TEKTL1: variants seen among roughly 807,000 people sequenced by gnomAD.
The protein encoded by TEKTL1 is tektin-like protein 1.
At chr19:15,021,338 C>T in the TEKTL1 span, 2 of 1,612,526 alleles carry the variant, frequency 1.2e-6, no homozygotes, top group African/African-American at 1.3e-5. Flanking sequence ...CCACGCGCAT[C>T]CTGGGCATTT....
the TEKTL1 span, among the ~76,000 whole-genome samples, chr19:15,017,332 A>G: frequency 6.6e-6 from 1 of 152,150 alleles, no homozygotes; most frequent in Non-Finnish European, 1.5e-5. Flanking sequence ...GTATGGCATG[A>G]TGGAAATATT....
the TEKTL1 span, among the ~76,000 whole-genome samples, chr19:15,011,727 TCCATCTCAAAA>T: frequency 3.0e-5 from 3 of 98,842 alleles, no homozygotes; most frequent in African/African-American, 1.3e-4. Context: ...AGAGCAAAAC[TCCATCTCAAAA>T]AAAAAAAAAA....
the TEKTL1 span, among the ~76,000 whole-genome samples, chr19:15,018,665 A>T: frequency 7.1e-6 from 1 of 141,710 alleles, no homozygotes; most frequent in Non-Finnish European, 1.5e-5. Flanking sequence ...GTGAGCTGTG[A>T]TCATGCCACT....
At chr19:15,019,918 G>A in the TEKTL1 span, among the ~76,000 whole-genome samples, 1,443 of 150,784 alleles carry the variant, frequency 9.6e-3, 27 homozygotes, top group African/African-American at 0.033. Context: ...AGTGAGTTAC[G>A]ATTCCACCAC....
the TEKTL1 span, chr19:15,022,940 A>T: frequency 6.2e-7 from 1 of 1,612,200 alleles, no homozygotes; most frequent in South Asian, 1.1e-5. Flanking sequence ...CGCCACGCAC[A>T]AGAACCTCAG....
At chr19:15,020,245 C>A in the TEKTL1 span, among the ~76,000 whole-genome samples, 9 of 151,214 alleles carry the variant, frequency 6.0e-5, no homozygotes, top group Admixed American at 4.6e-4. Context: ...GATGTTGAGG[C>A]TCTAGAGAGC....
chr19:15,020,703 C>A, the TEKTL1 span: 3 of 1,525,538 alleles, frequency 2.0e-6, no homozygotes, highest in Admixed American at 5.6e-5. Flanking sequence ...CCACCCAGAT[C>A]CCCTTGACTG....
chr19:15,018,038 G>A, the TEKTL1 span, among the ~76,000 whole-genome samples: 1 of 151,946 alleles, frequency 6.6e-6, no homozygotes, highest in African/African-American at 2.4e-5. Flanking sequence ...CAAAATAAAA[G>A]AACAGGAAAG....
the TEKTL1 span, chr19:15,013,753 GA>G: frequency 6.2e-7 from 1 of 1,613,130 alleles, no homozygotes; most frequent in South Asian, 1.1e-5. Flanking sequence ...GAGAGATATG[GA>G]AAAATCAGAG....
At chr19:15,014,287 C>T in the TEKTL1 span, among the ~76,000 whole-genome samples, 11 of 152,046 alleles carry the variant, frequency 7.2e-5, no homozygotes, top group African/African-American at 2.4e-4. Flanking sequence ...CTTCAGGGGG[C>T]CTTTTGGACC....
the TEKTL1 span, chr19:15,022,827 A>G: frequency 4.6e-6 from 7 of 1,535,228 alleles, no homozygotes; most frequent in Non-Finnish European, 6.2e-6. Context: ...CACGCCAGGT[A>G]GCCATCTGCT....
chr19:15,014,920 A>G, the TEKTL1 span, among the ~76,000 whole-genome samples: 1 of 152,204 alleles, frequency 6.6e-6, no homozygotes, highest in Admixed American at 6.5e-5. Flanking sequence ...GAAATGGATC[A>G]TGCCCATAAT....
At chr19:15,023,028 C>G in the TEKTL1 span, 2 of 1,612,568 alleles carry the variant, frequency 1.2e-6, no homozygotes, top group Non-Finnish European at 1.7e-6. Flanking sequence ...CAGCGGCAAC[C>G]GCACGTGTGC....
chr19:15,013,530 C>T, the TEKTL1 span: 4 of 616,856 alleles, frequency 6.5e-6, no homozygotes, highest in Non-Finnish European at 1.1e-5. Flanking sequence ...TGAGACACCC[C>T]ACCCAAAGGA....
chr19:15,014,796 C>T, the TEKTL1 span, among the ~76,000 whole-genome samples: 9 of 150,176 alleles, frequency 6.0e-5, no homozygotes, highest in South Asian at 2.1e-4. Context: ...ATCTTCTGGC[C>T]GCTGTCATAT....
chr19:15,014,738 C>CGGGGGGGGGG, the TEKTL1 span, among the ~76,000 whole-genome samples: 70 of 29,802 alleles, frequency 2.3e-3, no homozygotes, highest in African/African-American at 6.0e-3. Flanking sequence ...GGGCGGGGGG[C>CGGGGGGGGGG]GGGGGCTGCT....
the TEKTL1 span, among the ~76,000 whole-genome samples, chr19:15,018,847 C>T: frequency 6.6e-6 from 1 of 150,996 alleles, no homozygotes; most frequent in African/African-American, 2.4e-5. Flanking sequence ...ACACACCTTC[C>T]CTTCTCTAAA....
At chr19:15,018,804 C>T in the TEKTL1 span, among the ~76,000 whole-genome samples, 56,563 of 137,510 alleles carry the variant, frequency 0.41, 12,307 homozygotes, top group Middle Eastern at 0.54. Flanking sequence ...ATTGCCTGAC[C>T]CTTGACTCTT....
the TEKTL1 span, chr19:15,013,700 C>T: frequency 1.9e-6 from 3 of 1,613,558 alleles, no homozygotes; most frequent in African/African-American, 2.7e-5. Context: ...AGTATGCTTA[C>T]ATGGGAGAAA....
Sources: allele counts gnomAD v4.1 joint callset (sites outside exome capture counted in the v4.1 genomes callset), GRCh38; gene constraint gnomAD v4.1.1; transcripts MANE v1.5; gene names NCBI Gene and HGNC (gene_info 2026-07-23, HGNC 2026-07-21).